SUSD6: variants seen among roughly 807,000 people sequenced by gnomAD.
SUSD6 encodes the protein sushi domain-containing protein 6.
Under a neutral mutation model 28.4 loss-of-function variants are expected in SUSD6, and 16 were observed. The observed-to-expected ratio is 0.56, with a 90% CI of 0.38 to 0.86. The LOEUF (loss-of-function observed/expected upper bound fraction) is 0.86. Ranked by LOEUF, SUSD6 falls within the 40% of genes least tolerant of loss-of-function variation. SUSD6 has a pLI of 0.00. For missense variants in SUSD6, 341 were observed against 384.2 expected (o/e 0.89, Z 0.94); for synonymous variants, 147 against 159.6 (o/e 0.92, Z 0.59).
intron 2 of SUSD6, among the ~76,000 whole-genome samples, chr14:69,663,800 T>C (rs1885697129): frequency 6.6e-6 from 1 of 152,190 alleles, no homozygotes; most frequent in Non-Finnish European, 1.5e-5. Flanking sequence ...CCACGCTACC[T>C]GTGCTGAGTG....
intron 1 of SUSD6, among the ~76,000 whole-genome samples, chr14:69,625,632 T>A (rs1040423042): frequency 6.6e-6 from 1 of 152,072 alleles, no homozygotes; most frequent in African/African-American, 2.4e-5. Flanking sequence ...GCTGAGTGAG[T>A]GAGAGAAGCC....
chr14:69,707,745 TC>T (rs1427407564), intron 4 of SUSD6, among the ~76,000 whole-genome samples: 14 of 152,034 alleles, frequency 9.2e-5, no homozygotes, highest in Admixed American at 9.2e-4. Context: ...AGACCCTTTC[TC>T]AAAAGAAAAA....
intron 2 of SUSD6, among the ~76,000 whole-genome samples, chr14:69,676,393 C>G (rs1171087640): frequency 1.4e-5 from 2 of 143,756 alleles, no homozygotes; most frequent in Non-Finnish European, 3.0e-5. Context: ...TTTTTTTTTC[C>G]TTTTTGAGAC....
rs1884878996 is a variant in SUSD6, at chr14:69,611,848, C to T, written c.-81+20C>T. On this transcript the variant is annotated intron_variant, in intron 1 of 5. Coordinates refer to ENST00000342745, the MANE Select transcript of SUSD6 (RefSeq NM_014734.4). The stretch of plus-strand genomic sequence containing the variant: ...TCCCGGGTGAGTTGTCACCGCGGCC[C>T]GGGGGCGGCGGGGCCGGCATTGTGC... 1 of 151,474 alleles carries T rather than the reference C, an allele frequency of 6.6e-6. No homozygotes were observed. Among genetic ancestry groups the T allele is most frequent in the South Asian group, 2.1e-4 (1 of 4,822 alleles). The allele number at this position is 151,474 out of a possible 1,614,324, so 9.4% of individuals were successfully genotyped here. A position where few individuals can be genotyped will look rare whatever the true frequency, so the allele number is the denominator to read the frequency against.
intron 2 of SUSD6, among the ~76,000 whole-genome samples, chr14:69,701,654 C>T (rs759761571): frequency 9.2e-5 from 14 of 152,152 alleles, no homozygotes; most frequent in Non-Finnish European, 1.9e-4. Context: ...CTGTTCAAGA[C>T]TCTGGTGGTG....
intron 1 of SUSD6, among the ~76,000 whole-genome samples, chr14:69,634,972 A>G (rs563219385): frequency 3.0e-4 from 45 of 152,336 alleles, no homozygotes; most frequent in African/African-American, 1.0e-3. Context: ...AGTAAATACT[A>G]TGGCCTCAGT....
At chr14:69,643,148 T>C (rs1885378632) in intron 1 of SUSD6, among the ~76,000 whole-genome samples, 1 of 152,192 alleles carries the variant, frequency 6.6e-6, no homozygotes, top group African/African-American at 2.4e-5. Flanking sequence ...TTGTCCAATG[T>C]CTGAAAACCG....
intron 1 of SUSD6, among the ~76,000 whole-genome samples, chr14:69,635,926 G>C (rs1356676201): frequency 6.6e-6 from 1 of 152,230 alleles, no homozygotes; most frequent in African/African-American, 2.4e-5. Flanking sequence ...TGATTATTAG[G>C]CTGTTTTCAT....
At chr14:69,644,641 CA>C (rs548788280) in intron 1 of SUSD6, among the ~76,000 whole-genome samples, 6,579 of 133,816 alleles carry the variant, frequency 0.049, 208 homozygotes, top group South Asian at 0.16. Flanking sequence ...GACTCCGTCT[CA>C]AAAAAAAAAA....
At chr14:69,626,236 C>T (rs905831973) in intron 1 of SUSD6, among the ~76,000 whole-genome samples, 11 of 152,208 alleles carry the variant, frequency 7.2e-5, no homozygotes, top group Non-Finnish European at 1.6e-4. Flanking sequence ...ACCTTCCCAC[C>T]TTGGGTTTTT....
chr14:69,623,061 G>C (rs1198735067), intron 1 of SUSD6, among the ~76,000 whole-genome samples: 4 of 152,190 alleles, frequency 2.6e-5, no homozygotes, highest in African/African-American at 9.6e-5. Flanking sequence ...TCAGACACCG[G>C]TATGATAGCA....
chr14:69,630,330 G>A (rs1390626767), intron 1 of SUSD6, among the ~76,000 whole-genome samples: 1 of 152,210 alleles, frequency 6.6e-6, no homozygotes, highest in Non-Finnish European at 1.5e-5. Flanking sequence ...TCTCCCCCAA[G>A]TGAAGGCAGC....
intron 1 of SUSD6, among the ~76,000 whole-genome samples, chr14:69,651,729 A>G (rs903731143): frequency 2.0e-5 from 3 of 152,186 alleles, no homozygotes; most frequent in African/African-American, 7.2e-5. Flanking sequence ...TTAAGGTCCA[A>G]TAAGTGTTTA....
intron 1 of SUSD6, among the ~76,000 whole-genome samples, chr14:69,619,533 G>C (rs1363665407): frequency 6.6e-6 from 1 of 151,880 alleles, no homozygotes; most frequent in African/African-American, 2.4e-5. Context: ...GGCTGAGGTG[G>C]GACAATTGCT....
At chr14:69,659,114 T>C (rs1167594848) in intron 2 of SUSD6, among the ~76,000 whole-genome samples, 3 of 152,230 alleles carry the variant, frequency 2.0e-5, no homozygotes, top group African/African-American at 7.2e-5. Flanking sequence ...CTCTGTTTCC[T>C]CAGCTGCAGA....
chr14:69,694,669 C>T (rs901596163), intron 2 of SUSD6, among the ~76,000 whole-genome samples: 5 of 152,122 alleles, frequency 3.3e-5, no homozygotes, highest in Admixed American at 2.0e-4. Flanking sequence ...TTTTATTGAA[C>T]GCTGTGCCTC....
chr14:69,627,095 A>G (rs2139594789), intron 1 of SUSD6, among the ~76,000 whole-genome samples: 1 of 152,326 alleles, frequency 6.6e-6, no homozygotes, highest in East Asian at 1.9e-4. Context: ...TAATTGCAAA[A>G]TAAGAATGTT....
chr14:69,677,673 A>G (rs1341638901), intron 2 of SUSD6, among the ~76,000 whole-genome samples: 1 of 151,800 alleles, frequency 6.6e-6, no homozygotes, highest in Non-Finnish European at 1.5e-5. Flanking sequence ...ATGGTCAATC[A>G]GGGGGTGAGT....
At position 69,681,582 on chromosome 14, in the gene SUSD6, T is replaced by C. The variant is rs796927346; in HGVS notation, c.122-21813T>C. Among the ~76,000 whole-genome samples, 7 of 152,358 alleles carry C rather than the reference T, an allele frequency of 4.6e-5. 1 individual carries two copies. Among genetic ancestry groups the C allele is most frequent in the African/African-American group, 1.4e-4 (6 of 41,578 alleles). On this transcript the variant is annotated intron_variant, in intron 2 of 5. Coordinates refer to ENST00000342745, the MANE Select transcript of SUSD6 (RefSeq NM_014734.4). ...GTAGGGGGATCTGAAGTGGGAGACT[T>C]TGATTGCAGGAATCTTCATGTCATT...
Sources: gnomAD v4.1 joint callset for allele counts (sites outside exome capture counted in the v4.1 genomes callset) on GRCh38, gnomAD v4.1.1 for gene constraint, MANE v1.5 for transcripts, NCBI Gene and HGNC (gene_info 2026-07-23, HGNC 2026-07-21) for gene names.